PAM: variants seen among roughly 807,000 people sequenced by gnomAD.
PAM encodes peptidylglycine alpha-amidating monooxygenase.
PAM carries 72 observed loss-of-function variants against 122.1 expected under a neutral mutation model. The ratio of observed to expected loss-of-function variants is 0.59; its 90% confidence interval spans 0.49 to 0.72. PAM has a LOEUF of 0.72. PAM is among the 30% of genes least tolerant of loss of function. The pLI is 0.00. For synonymous variants in PAM, 389 were observed against 404.4 expected (o/e 0.96, Z 0.46); for missense variants, 1,106 against 1,183.7 (o/e 0.93, Z 0.96).
At chr5:102,879,606 G>A (rs745996055) in intron 3 of PAM, among the ~76,000 whole-genome samples, 9 of 151,952 alleles carry the variant, frequency 5.9e-5, no homozygotes, top group South Asian at 4.2e-4. Context: ...CATGTAAGAC[G>A]TGCCTACTCC....
chr5:103,006,042 C>T (rs1778867649), intron 18 of PAM, among the ~76,000 whole-genome samples: 1 of 152,110 alleles, frequency 6.6e-6, no homozygotes, highest in Non-Finnish European at 1.5e-5. Flanking sequence ...TGAGGTGATC[C>T]TCCCACCTTA....
chr5:102,977,939 G>A (rs1352657232), intron 15 of PAM, among the ~76,000 whole-genome samples: 1 of 152,124 alleles, frequency 6.6e-6, no homozygotes, highest in Non-Finnish European at 1.5e-5. Flanking sequence ...CAGAGTTCAA[G>A]TGAGGGTCAA....
intron 7 of PAM, among the ~76,000 whole-genome samples, chr5:102,929,238 C>T (rs994980434): frequency 2.6e-5 from 4 of 152,170 alleles, no homozygotes; most frequent in Admixed American, 6.5e-5. Context: ...ATATGAATCT[C>T]TATATGCCTG....
At chr5:102,859,675 C>T (rs73192715) in intron 1 of PAM, among the ~76,000 whole-genome samples, 2,203 of 152,218 alleles carry the variant, frequency 0.014, 45 homozygotes, top group African/African-American at 0.051. Context: ...TAGTAGTGTA[C>T]AGTAATGTCC....
At chr5:102,996,752 A>G (rs1430487192) in intron 16 of PAM, among the ~76,000 whole-genome samples, 1 of 152,228 alleles carries the variant, frequency 6.6e-6, no homozygotes, top group Non-Finnish European at 1.5e-5. Context: ...CAATGATTTT[A>G]AATGAACTGG....
At chr5:103,026,791 G>A (rs181008507) in intron 24 of PAM, among the ~76,000 whole-genome samples, 1 of 152,196 alleles carries the variant, frequency 6.6e-6, no homozygotes, top group African/African-American at 2.4e-5. Context: ...AGTAGAGGGT[G>A]GTAAGTGCAG....
intron 7 of PAM, among the ~76,000 whole-genome samples, chr5:102,944,487 G>A (rs533970639): frequency 5.7e-4 from 87 of 152,208 alleles, no homozygotes; most frequent in Non-Finnish European, 9.3e-4. Flanking sequence ...CAGCCGTTAG[G>A]ACTTTTGCAT....
At chr5:102,981,007 G>A (rs1769599388) in intron 15 of PAM, among the ~76,000 whole-genome samples, 2 of 152,032 alleles carry the variant, frequency 1.3e-5, no homozygotes, top group Non-Finnish European at 2.9e-5. Context: ...ATATGTTCTA[G>A]ATATTTACAT....
At chr5:102,820,013 T>A (rs574129400) in intron 1 of PAM, among the ~76,000 whole-genome samples, 1 of 152,288 alleles carries the variant, frequency 6.6e-6, no homozygotes, top group East Asian at 1.9e-4. Context: ...CATCAAATAA[T>A]TTATGCAAAA....
intron 1 of PAM, among the ~76,000 whole-genome samples, chr5:102,765,373 T>C (rs77385242): frequency 0.027 from 4,064 of 152,300 alleles, 109 homozygotes; most frequent in African/African-American, 0.058. Context: ...AAATAAAACA[T>C]GTACAAAGTG....
intron 17 of PAM, among the ~76,000 whole-genome samples, 170 bp downstream of exon 17, chr5:103,003,319 T>G (rs555727008): frequency 6.6e-5 from 10 of 152,238 alleles, no homozygotes; most frequent in Non-Finnish European, 1.3e-4. Flanking sequence ...AAATCTTGAC[T>G]GAATATTAGA....
At chr5:102,775,352 T>A (rs1756873915) in intron 1 of PAM, among the ~76,000 whole-genome samples, 2 of 152,066 alleles carry the variant, frequency 1.3e-5, no homozygotes, top group East Asian at 3.9e-4. Context: ...AATTTAATTT[T>A]AAGTTCTGGG....
At chr5:102,786,540 A>C (rs943365921) in intron 1 of PAM, among the ~76,000 whole-genome samples, 2 of 152,184 alleles carry the variant, frequency 1.3e-5, no homozygotes, top group African/African-American at 4.8e-5. Flanking sequence ...TGAACATCAA[A>C]GGGAATGATT....
intron 4 of PAM, among the ~76,000 whole-genome samples, chr5:102,907,295 A>G (rs1799863431): frequency 6.6e-6 from 1 of 151,892 alleles, no homozygotes; most frequent in Admixed American, 6.6e-5. Flanking sequence ...TACAAAGGAC[A>G]TGAACTCATC....
chr5:102,918,643 A>G (rs1746316055), intron 5 of PAM, among the ~76,000 whole-genome samples: 1 of 152,142 alleles, frequency 6.6e-6, no homozygotes, highest in African/African-American at 2.4e-5. Flanking sequence ...TTTTTAAATG[A>G]TAAGTGATTA....
At chr5:102,966,554 G>C (rs769462697) in intron 14 of PAM, among the ~76,000 whole-genome samples, 2 of 152,120 alleles carry the variant, frequency 1.3e-5, no homozygotes, top group African/African-American at 2.4e-5. Context: ...TCTAAGGCTA[G>C]AGAATAAATA....
chr5:102,806,192 C>A (rs1428466809), intron 1 of PAM, among the ~76,000 whole-genome samples: 2 of 152,116 alleles, frequency 1.3e-5, no homozygotes, highest in African/African-American at 4.8e-5. Flanking sequence ...CACCCTAATT[C>A]TGTTTAGACA....
chr5:102,860,458 G>T (rs1356285815), intron 1 of PAM, among the ~76,000 whole-genome samples: 1 of 152,152 alleles, frequency 6.6e-6, no homozygotes, highest in African/African-American at 2.4e-5. Flanking sequence ...CGAGGTGGGG[G>T]AATAGCTTGT....
At chr5:102,851,781 A>G (rs1310821449) in intron 1 of PAM, among the ~76,000 whole-genome samples, 3 of 152,200 alleles carry the variant, frequency 2.0e-5, no homozygotes, top group Non-Finnish European at 4.4e-5. Flanking sequence ...TGTTAGTGCT[A>G]TGTTATTATT....
Sources: gnomAD v4.1 joint callset for allele counts (sites outside exome capture counted in the v4.1 genomes callset) on GRCh38, gnomAD v4.1.1 for gene constraint, MANE v1.5 for transcripts, NCBI Gene and HGNC (gene_info 2026-07-23, HGNC 2026-07-21) for gene names.